The following SLC2A13 variants were observed in gnomAD, a reference collection of about 807,000 sequenced individuals.
SLC2A13 encodes the protein proton myo-inositol cotransporter.
SLC2A13 carries 32 observed loss-of-function variants against 64.4 expected under a neutral mutation model. The ratio of observed to expected loss-of-function variants is 0.50; its 90% CI spans 0.37 to 0.67. The LOEUF is 0.67. Among genes scored for constraint, SLC2A13 ranks in the 30% least tolerant of loss-of-function variants. SLC2A13 has a pLI of 0.00. For synonymous variants in SLC2A13, 338 were observed against 327.1 expected, an observed-to-expected ratio of 1.03 and a Z score of -0.36; for missense variants, 743 against 829.2, an observed-to-expected ratio of 0.90 and a Z score of 1.28.
chr12:39,999,249 A>T (rs996829839), intron 3 of SLC2A13, among the ~76,000 whole-genome samples: 1 of 152,138 alleles, frequency 6.6e-6, no homozygotes, highest in Non-Finnish European at 1.5e-5. Flanking sequence ...ACAGAATAAC[A>T]GCGATTTTAG....
chr12:39,968,022 A>G (rs575853587), intron 3 of SLC2A13, among the ~76,000 whole-genome samples: 1 of 152,338 alleles, frequency 6.6e-6, no homozygotes, highest in South Asian at 2.1e-4. Flanking sequence ...CCACTTCAGA[A>G]GCCATCTGAT....
At chr12:39,919,330 C>T (rs1352580412) in intron 4 of SLC2A13, among the ~76,000 whole-genome samples, 1 of 152,094 alleles carries the variant, frequency 6.6e-6, no homozygotes, top group African/African-American at 2.4e-5. Flanking sequence ...TTTTAAAAAA[C>T]ACAGTATCTC....
intron 1 of SLC2A13, among the ~76,000 whole-genome samples, chr12:40,052,170 A>C (rs1948269812): frequency 6.6e-6 from 1 of 152,186 alleles, no homozygotes; most frequent in Non-Finnish European, 1.5e-5. Flanking sequence ...TAATAAGGTC[A>C]GGTCATAGAT....
At position 40,015,939 on chromosome 12, in the gene SLC2A13, C is replaced by T. The variant is rs1447856065; in HGVS notation, c.925+12362G>A. Among the ~76,000 whole-genome samples the T allele has an allele frequency of 4.6e-5, 7 of 152,012 alleles. No homozygotes were observed. The East Asian group carries it at 5.8e-4, about 13-fold the overall frequency. On this transcript the variant is annotated intron_variant, in intron 3 of 9. Coordinates refer to ENST00000280871, the MANE Select transcript of SLC2A13 (RefSeq NM_052885.4). ...TATAATAATACCATGTGAAGTGCCA[C>T]GCACAGTACATGACACATCGTAAAT...
chr12:39,849,350 A>G (rs1943404077), intron 6 of SLC2A13, among the ~76,000 whole-genome samples: 1 of 152,146 alleles, frequency 6.6e-6, no homozygotes, highest in African/African-American at 2.4e-5. Context: ...ACAGCATGAA[A>G]GGTGACCTAA....
At chr12:39,794,094 T>C (rs550120325) in intron 7 of SLC2A13, among the ~76,000 whole-genome samples, 1 of 126,194 alleles carries the variant, frequency 7.9e-6, no homozygotes, top group South Asian at 2.4e-4. Flanking sequence ...TCCTAGAAGG[T>C]GATGTATGGC....
intron 2 of SLC2A13, among the ~76,000 whole-genome samples, chr12:40,047,464 C>A (rs1409493217): frequency 1.3e-5 from 2 of 152,128 alleles, no homozygotes; most frequent in Non-Finnish European, 2.9e-5. Flanking sequence ...CCCATAATAT[C>A]TTTTAAGCTT....
chr12:40,055,669 G>C (rs1275462857), intron 1 of SLC2A13, among the ~76,000 whole-genome samples: 1 of 152,010 alleles, frequency 6.6e-6, no homozygotes, highest in Non-Finnish European at 1.5e-5. Context: ...TTAACTGATT[G>C]GTTTCCCTAA....
chr12:39,762,739 G>C (rs1940201330), intron 9 of SLC2A13, among the ~76,000 whole-genome samples: 1 of 151,962 alleles, frequency 6.6e-6, no homozygotes, highest in East Asian at 1.9e-4. Flanking sequence ...ATTAAAATGA[G>C]ACACAAAAAG....
chr12:40,009,768 C>T (rs1947494264), intron 3 of SLC2A13, among the ~76,000 whole-genome samples: 1 of 152,086 alleles, frequency 6.6e-6, no homozygotes, highest in African/African-American at 2.4e-5. Context: ...GATAAGAGGC[C>T]AGAACTCTGC....
chr12:39,910,718 G>T (rs1179066850), intron 4 of SLC2A13, among the ~76,000 whole-genome samples: 1 of 152,030 alleles, frequency 6.6e-6, no homozygotes, highest in Non-Finnish European at 1.5e-5. Flanking sequence ...GAGGGGCTAT[G>T]TATGACTATA....
At chr12:40,078,128 T>A (rs912088685) in intron 1 of SLC2A13, among the ~76,000 whole-genome samples, 1 of 152,174 alleles carries the variant, frequency 6.6e-6, no homozygotes, top group Admixed American at 6.5e-5. Context: ...CTCTTCCTAT[T>A]TGGATGACTT....
intron 3 of SLC2A13, among the ~76,000 whole-genome samples, chr12:39,996,302 C>T (rs955914203): frequency 4.6e-5 from 7 of 152,138 alleles, no homozygotes; most frequent in African/African-American, 1.7e-4. Flanking sequence ...AGCAGCAAAG[C>T]ATTCAAGAGG....
At chr12:39,803,339 G>T (rs186375095) in intron 7 of SLC2A13, among the ~76,000 whole-genome samples, 7 of 152,156 alleles carry the variant, frequency 4.6e-5, no homozygotes, top group Non-Finnish European at 1.0e-4. Flanking sequence ...AATCTACCGT[G>T]ATCAGTAGCC....
chr12:40,010,363 T>C (rs895832449), intron 3 of SLC2A13, among the ~76,000 whole-genome samples: 17 of 152,326 alleles, frequency 1.1e-4, no homozygotes, highest in Non-Finnish European at 2.1e-4. Context: ...GAAAGTCAGC[T>C]GAGGTTACAT....
intron 7 of SLC2A13, among the ~76,000 whole-genome samples, chr12:39,806,161 AAAATTAAG>A (rs1255262775): frequency 2.0e-5 from 3 of 152,214 alleles, no homozygotes; most frequent in Non-Finnish European, 2.9e-5. Context: ...TCACAAACTA[AAAATTAAG>A]AAAAAAATCG....
At chr12:39,896,279 CATGTATGTATATGTGTGTATA>C (rs1944857037) in intron 4 of SLC2A13, among the ~76,000 whole-genome samples, 1 of 79,964 alleles carries the variant, frequency 1.3e-5, no homozygotes, top group South Asian at 4.3e-4. Flanking sequence ...TATATGTATA[CATGTATGTATATGTGTGTATA>C]TATGTATACA....
At chr12:39,824,603 G>C (rs191962784) in intron 7 of SLC2A13, among the ~76,000 whole-genome samples, 2 of 152,278 alleles carry the variant, frequency 1.3e-5, no homozygotes, top group Admixed American at 1.3e-4. Context: ...TGAGGTGGAC[G>C]TGTCTCCTGG....
At chr12:40,058,689 A>G (rs1217681185) in intron 1 of SLC2A13, among the ~76,000 whole-genome samples, 4 of 152,204 alleles carry the variant, frequency 2.6e-5, no homozygotes, top group Non-Finnish European at 5.9e-5. Context: ...AATGGCAGGC[A>G]CTAATTATGG....
Sources: allele counts gnomAD v4.1 joint callset (sites outside exome capture counted in the v4.1 genomes callset), GRCh38; gene constraint gnomAD v4.1.1; transcripts MANE v1.5; gene names NCBI Gene and HGNC (gene_info 2026-07-23, HGNC 2026-07-21).